Variants in IRF8 observed in about 807,000 individuals in gnomAD.
IRF8 encodes interferon consensus sequence binding protein 1.
Under a neutral mutation model 48.7 loss-of-function variants are expected in IRF8, and 14 were observed. That is an observed-to-expected ratio of 0.29 (90% CI 0.19 to 0.45). IRF8 has a LOEUF of 0.45. Ranked by LOEUF, IRF8 falls within the 20% of genes least tolerant of loss-of-function variation. The probability of loss-of-function intolerance (pLI) is 1.00; values close to 1 mark genes in which losing one functional copy is unlikely to be tolerated. For synonymous variants in IRF8, 278 were observed against 227.3 expected (o/e 1.22, Z -2.01); for missense variants, 493 against 580.7 (o/e 0.85, Z 1.55).
At chr16:85,908,411 A>G (rs749003317) in intron 2 of IRF8, among the ~76,000 whole-genome samples, 16 of 152,332 alleles carry the variant, frequency 1.1e-4, no homozygotes, top group African/African-American at 1.4e-4. Context: ...ACACACACAC[A>G]TTAAAGGGAA....
At chr16:85,918,132 C>A (rs9924484) in intron 6 of IRF8, among the ~76,000 whole-genome samples, 19 of 152,136 alleles carry the variant, frequency 1.2e-4, no homozygotes, top group African/African-American at 3.6e-4. Context: ...CAACAGTTAC[C>A]AGACCTTCTC....
intron 1 of IRF8, among the ~76,000 whole-genome samples, chr16:85,902,305 C>T (rs1396245079): frequency 2.6e-5 from 4 of 152,148 alleles, no homozygotes; most frequent in South Asian, 2.1e-4. Context: ...AGTTGCTTTC[C>T]GTGTAGCATC....
intron 6 of IRF8, among the ~76,000 whole-genome samples, chr16:85,915,343 C>T (rs1011822733): frequency 6.6e-6 from 1 of 152,206 alleles, no homozygotes; most frequent in African/African-American, 2.4e-5. Flanking sequence ...GGCCACAGAA[C>T]GTTAGGGCTG....
rs376900565 is a variant in IRF8 at position 85,913,108 on chromosome 16, C to T, written c.448-23C>T. On this transcript the variant is annotated intron_variant, in intron 4 of 8. Transcript: ENST00000268638. The stretch of plus-strand genomic sequence containing the variant: ...GGAGATCAGTGACTGAGCTGCCCTC[C>T]TCTCCCTCCCCTGACTGTGCAGCCT... 29 of 1,572,516 alleles carry T rather than the reference C, an allele frequency of 1.8e-5. No homozygotes were observed. In the African/African-American group the frequency reaches 2.8e-4, roughly 15 times the overall value.
Position 85,903,192 on chromosome 16 carries a change from A to G in IRF8, c.174+3A>G. ...AAGTGGATGCCTCCATTTTTAAGGT[A>G]AAGAGCCCAGCTCCCTTCCCCACTG... On this transcript the variant is annotated splice_donor_region_variant and intron_variant, in intron 2 of 8. Transcript: ENST00000268638. The G allele has an allele frequency of 6.2e-7, 1 of 1,613,078 alleles. No individual in the cohort carries two copies. The highest frequency in any genetic ancestry group is 8.5e-7 in the Non-Finnish European group (1 of 1,179,492).
chr16:85,910,210 G>C (rs1421169550), intron 3 of IRF8, among the ~76,000 whole-genome samples: 2 of 152,196 alleles, frequency 1.3e-5, no homozygotes, highest in African/African-American at 4.8e-5. Flanking sequence ...CGAGGTGCTG[G>C]TGAATGTGGC....
At chr16:85,915,199 C>T (rs1362283439) in intron 6 of IRF8, among the ~76,000 whole-genome samples, 1 of 152,166 alleles carries the variant, frequency 6.6e-6, no homozygotes, top group Non-Finnish European at 1.5e-5. Flanking sequence ...GCTAAGGACC[C>T]TGGCTGCACT....
rs1377150682 is a variant in IRF8, at chr16:85,921,623, C to T, written c.*341C>T. 1.8e-5 allele frequency: 6 copies of T among 336,656 alleles called. No homozygotes were observed. The highest frequency in any genetic ancestry group is 9.3e-5 in the Admixed American group (2 of 21,532). The allele number at this position is 336,656 out of a possible 1,614,324, so 20.9% of individuals were successfully genotyped here. ...AAGACTTGTCATTCAGTAATATTAG[C>T]AGATAGCTGCTTCGATAAAGGAATT... is the stretch of plus-strand genomic sequence containing the variant. On this transcript the variant is annotated 3_prime_UTR_variant, in exon 9 of 9. Transcript: ENST00000268638.
intron 6 of IRF8, among the ~76,000 whole-genome samples, 171 bp downstream of exon 6, chr16:85,914,691 G>T (rs1905247348): frequency 6.6e-6 from 1 of 151,898 alleles, no homozygotes. Context: ...CCGTTCCGAG[G>T]ATGAGCAGGA....
At chr16:85,899,459 C>G (rs1337810869) in intron 1 of IRF8, among the ~76,000 whole-genome samples, 1 of 152,184 alleles carries the variant, frequency 6.6e-6, no homozygotes, top group East Asian at 1.9e-4. Context: ...TAGATAGATG[C>G]CTTTTTAAAA....
Position 85,919,979 on chromosome 16 carries a change from T to G in IRF8, c.989-130T>G, listed in dbSNP as rs1905483924. 10 of 747,714 alleles carry G rather than the reference T, an allele frequency of 1.3e-5. 1 individual carries two copies. The South Asian group carries it at 1.5e-4, about 11-fold the overall frequency. 46.3% of individuals were successfully genotyped at this position (747,714 alleles called of 1,614,324 possible). A position where few individuals can be genotyped will look rare whatever the true frequency, so the allele number is the denominator to read the frequency against. On this transcript the variant is annotated intron_variant, in intron 7 of 8. Transcript: ENST00000268638. ...GGAATTTGGCCCAAGGGCCACCAGTTTGAGATCCCATGGTGCCCTGGCCTA... is the reference window on the plus strand; with the variant it reads ...GGAATTTGGCCCAAGGGCCACCAGTGTGAGATCCCATGGTGCCCTGGCCTA...
intron 5 of IRF8, among the ~76,000 whole-genome samples, chr16:85,913,628 G>A (rs906750944): frequency 5.9e-5 from 9 of 152,222 alleles, no homozygotes; most frequent in African/African-American, 2.2e-4. Flanking sequence ...AGTCTGTTAC[G>A]ACATTAAGGA....
intron 4 of IRF8, among the ~76,000 whole-genome samples, chr16:85,912,023 C>T (rs1905160589): frequency 6.6e-6 from 1 of 152,240 alleles, no homozygotes; most frequent in African/African-American, 2.4e-5. Context: ...CTACAGAGAA[C>T]AAAATGTAAA....
chr16:85,906,802 G>A (rs911202229), intron 2 of IRF8, among the ~76,000 whole-genome samples: 4 of 152,086 alleles, frequency 2.6e-5, no homozygotes, highest in African/African-American at 7.2e-5. Context: ...TTTTTTGGTT[G>A]TCACAGCTAG....
At position 85,921,245 on chromosome 16, in the gene IRF8, G is replaced by T. The variant is rs901780905; in HGVS notation, c.1244G>T (p.Arg415Ile). Reference sequence around the variant, plus strand: ...CCAGATATTTGTGCCTCACACCAGAGATCATTTTTCAGAGAAAACCAACAG... The same window carrying T: ...CCAGATATTTGTGCCTCACACCAGATATCATTTTTCAGAGAAAACCAACAG... ...MFPDICASHQ[R>I]SFFRENQQIT... Residue 415 changes from arginine (R) to isoleucine (I), a missense_variant, in exon 9 of 9, where the codon AGA becomes ATA. By Grantham distance (97) the Arg-to-Ile change is moderately conservative. Coordinates refer to ENST00000268638, the MANE Select transcript of IRF8 (RefSeq NM_002163.4). The T allele has an allele frequency of 1.9e-6, 3 of 1,614,076 alleles. No homozygotes were observed. The highest frequency in any genetic ancestry group is 1.7e-6 in the Non-Finnish European group (2 of 1,180,058).
intron 7 of IRF8, among the ~76,000 whole-genome samples, chr16:85,919,007 A>T (rs1905435811): frequency 1.3e-5 from 2 of 152,102 alleles, no homozygotes; most frequent in African/African-American, 4.8e-5. Context: ...TCTGTGCCTC[A>T]ACTTCCCCAT....
At chr16:85,902,959 T>C (rs1049700238) in intron 1 of IRF8, 56 bp from the exon 2 acceptor site, 2 of 1,595,956 alleles carry the variant, frequency 1.3e-6, no homozygotes, top group Admixed American at 1.7e-5. Flanking sequence ...TTTGGGTTGC[T>C]GTGATGAATG....
chr16:85,915,105 T>G (rs1310171787), intron 6 of IRF8, among the ~76,000 whole-genome samples: 1 of 117,078 alleles, frequency 8.5e-6, no homozygotes, highest in African/African-American at 3.6e-5. Context: ...CTGTTCCCAT[T>G]TCGCGGGCTC....
chr16:85,915,689 C>T (rs1043352015), intron 6 of IRF8, among the ~76,000 whole-genome samples: 17 of 152,228 alleles, frequency 1.1e-4, no homozygotes, highest in African/African-American at 3.9e-4. Flanking sequence ...AGGCCTGGGT[C>T]ATGAGGCTAA....
Sources: gnomAD v4.1 joint callset for allele counts (sites outside exome capture counted in the v4.1 genomes callset) on GRCh38, gnomAD v4.1.1 for gene constraint, MANE v1.5 for transcripts, NCBI Gene and HGNC (gene_info 2026-07-23, HGNC 2026-07-21) for gene names.